Variants in CMTM7 observed in about 807,000 individuals in gnomAD.
CMTM7 encodes the protein CKLF like MARVEL transmembrane domain containing 7, also known as CKLF-like MARVEL transmembrane domain-containing protein 7.
CMTM7 carries 7 observed loss-of-function variants against 19.3 expected under a neutral mutation model. The ratio of observed to expected loss-of-function variants is 0.36; its 90% CI spans 0.21 to 0.68. The LOEUF is 0.68. Among genes scored for constraint, CMTM7 ranks in the 30% least tolerant of loss-of-function variants. The pLI, the probability that CMTM7 is intolerant of heterozygous loss-of-function variation, is 0.60. For missense variants in CMTM7, 193 were observed against 232.6 expected, an observed-to-expected ratio of 0.83 and a Z score of 1.11; for synonymous variants, 87 against 99.3, an observed-to-expected ratio of 0.88 and a Z score of 0.74.
intron 1 of CMTM7, among the ~76,000 whole-genome samples, chr3:32,394,700 T>C (rs913006019): frequency 2.0e-5 from 3 of 152,146 alleles, no homozygotes; most frequent in Admixed American, 1.3e-4. Context: ...GCACTCTTTT[T>C]TTTCTTTCTT....
chr3:32,401,059 A>G, intron 1 of CMTM7, among the ~76,000 whole-genome samples: 1 of 152,170 alleles, frequency 6.6e-6, no homozygotes, highest in South Asian at 2.1e-4. Flanking sequence ...CAAGGAGCCA[A>G]GTGTGATAGT....
intron 1 of CMTM7, among the ~76,000 whole-genome samples, chr3:32,441,542 C>T (rs912795405): frequency 2.0e-5 from 3 of 152,154 alleles, no homozygotes; most frequent in Non-Finnish European, 4.4e-5. Context: ...TTGTTATTTT[C>T]TTGTTTTCCT....
chr3:32,454,590 C>G lies in CMTM7; in HGVS notation c.*336C>G, dbSNP rs1455963556. The G allele has an allele frequency of 1.9e-6, 1 of 515,836 alleles. No homozygotes were observed. Among genetic ancestry groups the G allele is most frequent in the Non-Finnish European group, 3.6e-6 (1 of 274,200 alleles). The allele number at this position is 515,836 out of a possible 1,614,324, so 32.0% of individuals were successfully genotyped here. Reference sequence around the variant, plus strand: ...ACAGCTGAAGGGGTTTGTGAATACTCCCGCCTAAATCCCTTCTACTTCACT... The same window carrying G: ...ACAGCTGAAGGGGTTTGTGAATACTGCCGCCTAAATCCCTTCTACTTCACT... On this transcript the variant is annotated 3_prime_UTR_variant, in exon 5 of 5. Transcript: ENST00000334983.
intron 1 of CMTM7, among the ~76,000 whole-genome samples, chr3:32,410,789 C>G (rs1022257610): frequency 2.6e-5 from 4 of 152,162 alleles, no homozygotes; most frequent in Non-Finnish European, 5.9e-5. Flanking sequence ...CAGGTTTCGA[C>G]AGACTCACAA....
chr3:32,405,176 G>C (rs912991417), intron 1 of CMTM7, among the ~76,000 whole-genome samples: 1 of 152,242 alleles, frequency 6.6e-6, no homozygotes, highest in African/African-American at 2.4e-5. Flanking sequence ...TTGCAGTCTT[G>C]TGAGACTCTG....
chr3:32,430,007 C>T (rs945155273), intron 1 of CMTM7, among the ~76,000 whole-genome samples: 1 of 152,234 alleles, frequency 6.6e-6, no homozygotes, highest in Non-Finnish European at 1.5e-5. Context: ...CTACAACAAT[C>T]ATCAACTCAT....
At position 32,415,296 on chromosome 3, in the gene CMTM7, A is replaced by G. The variant is rs555188031; in HGVS notation, c.159+23231A>G. ...ACACTCTCTAAAGGATGAGAATGTC[A>G]AGTAGTGACTTTCTCACTGCCATAC... is the stretch of plus-strand genomic sequence containing the variant. On this transcript the variant is annotated intron_variant, in intron 1 of 4. Coordinates refer to ENST00000334983, the MANE Select transcript of CMTM7 (RefSeq NM_138410.4). Among the ~76,000 whole-genome samples the G allele has an allele frequency of 3.3e-5, 5 of 152,272 alleles. No homozygotes were observed. In the East Asian group the frequency reaches 9.6e-4, roughly 29 times the overall value.
chr3:32,429,244 C>G (rs1696478334), intron 1 of CMTM7, among the ~76,000 whole-genome samples: 1 of 151,782 alleles, frequency 6.6e-6, no homozygotes. Flanking sequence ...TCCCCCTCCC[C>G]TCTTTTGTCT....
At chr3:32,416,361 ATTTTTTTTTTTTTTTTTTTTT>A (rs58085712) in intron 1 of CMTM7, among the ~76,000 whole-genome samples, 1 of 72,442 alleles carries the variant, frequency 1.4e-5, no homozygotes, top group African/African-American at 5.9e-5. Context: ...ATCCGGGCTA[ATTTTTTTTTTTTTTTTTTTTT>A]TTTTTTTTTT....
intron 1 of CMTM7, among the ~76,000 whole-genome samples, chr3:32,410,228 T>G (rs1266490416): frequency 6.6e-6 from 1 of 152,234 alleles, no homozygotes; most frequent in Admixed American, 6.5e-5. Flanking sequence ...CTTTGTTCAC[T>G]TAATTACCTG....
At chr3:32,424,278 C>T (rs372914437) in intron 1 of CMTM7, among the ~76,000 whole-genome samples, 208 of 152,260 alleles carry the variant, frequency 1.4e-3, no homozygotes, top group African/African-American at 4.7e-3. Context: ...GTTCCTAGGG[C>T]GAGCAGCCTG....
chr3:32,434,946 A>G (rs1243540979), intron 1 of CMTM7, among the ~76,000 whole-genome samples: 2 of 152,250 alleles, frequency 1.3e-5, no homozygotes, highest in Non-Finnish European at 2.9e-5. Flanking sequence ...AAATAGTACG[A>G]TACTATTTCC....
intron 1 of CMTM7, among the ~76,000 whole-genome samples, chr3:32,441,537 A>G (rs1432105297): frequency 6.6e-6 from 1 of 151,976 alleles, no homozygotes; most frequent in African/African-American, 2.4e-5. Context: ...CTGCTTTGTT[A>G]TTTTCTTGTT....
chr3:32,442,436 C>T (rs1035021909), intron 2 of CMTM7, among the ~76,000 whole-genome samples: 1 of 135,884 alleles, frequency 7.4e-6, no homozygotes, highest in African/African-American at 2.8e-5. Flanking sequence ...GGAGGCGGAG[C>T]TTGCAGTGAG....
At chr3:32,426,592 AT>A (rs371507258) in intron 1 of CMTM7, among the ~76,000 whole-genome samples, 92 of 149,756 alleles carry the variant, frequency 6.1e-4, no homozygotes, top group African/African-American at 1.7e-3. Context: ...TCTATGCCTG[AT>A]TTTTTTTTTC....
intron 1 of CMTM7, among the ~76,000 whole-genome samples, chr3:32,412,588 G>A (rs1330451492): frequency 6.9e-6 from 1 of 145,742 alleles, no homozygotes. Flanking sequence ...GTCTTAAGTT[G>A]AAGGGATTTT....
At chr3:32,393,800 GA>G (rs1695876078) in intron 1 of CMTM7, among the ~76,000 whole-genome samples, 1 of 144,412 alleles carries the variant, frequency 6.9e-6, no homozygotes, top group Non-Finnish European at 1.5e-5. Flanking sequence ...AAGGTACAAA[GA>G]AAAGGTAATG....
intron 1 of CMTM7, among the ~76,000 whole-genome samples, chr3:32,428,290 C>T (rs79261835): frequency 6.1e-4 from 93 of 152,302 alleles, no homozygotes; most frequent in African/African-American, 2.2e-3. Context: ...AGTGCAGCCT[C>T]AGTCCTCCCT....
Position 32,449,488 on chromosome 3 carries a change from TC to T in CMTM7, c.370del (p.Leu124SerfsTer18). 1 of 1,614,146 alleles carries T rather than the reference TC, an allele frequency of 6.2e-7. No homozygotes were observed. The highest frequency in any genetic ancestry group is 8.5e-7 in the Non-Finnish European group (1 of 1,179,974). ...CACTATTTAATCGGTACCCTGCTCC[TC>T]CTCATCGCCTCCATTGTGGCAGCTT... Reference protein sequence around the residue: ...LLHYLIGTLLLLIASIVAASK... With the variant: ...LLHYLIGTLLXLIASIVAASK... On this transcript the variant is annotated frameshift_variant, in exon 3 of 5. Transcript: ENST00000334983. LOFTEE classifies it high-confidence loss of function. This position sits in a 1 kb window ranked among gnomAD's most constrained non-coding sequence, Gnocchi z 4.5.
Sources: gnomAD v4.1 joint callset for allele counts (sites outside exome capture counted in the v4.1 genomes callset) on GRCh38, gnomAD v4.1.1 for gene constraint, Gnocchi (gnomAD v3.1) non-coding constraint, MANE v1.5 for transcripts, NCBI Gene and HGNC (gene_info 2026-07-23, HGNC 2026-07-21) for gene names.